Variants in IPP observed in about 807,000 individuals in gnomAD.
IPP encodes the protein actin-binding protein IPP.
IPP carries 41 observed loss-of-function variants against 64.1 expected under a neutral mutation model. That is an observed-to-expected ratio of 0.64 (90% CI 0.50 to 0.83). The LOEUF is 0.83. Among genes scored for constraint, IPP ranks in the 40% least tolerant of loss-of-function variants. IPP has a pLI of 0.00. For synonymous variants in IPP, 214 were observed against 235.2 expected (o/e 0.91, Z 0.83); for missense variants, 649 against 703.0 (o/e 0.92, Z 0.87).
chr1:45,708,756 AC>A (rs1429001210), intron 8 of IPP, among the ~76,000 whole-genome samples: 2 of 140,620 alleles, frequency 1.4e-5, no homozygotes, highest in African/African-American at 2.6e-5. Flanking sequence ...GAGAGTCTGA[AC>A]GCGGTGGCTC....
chr1:45,701,577 G>A (rs995764335), intron 8 of IPP, among the ~76,000 whole-genome samples: 17 of 152,076 alleles, frequency 1.1e-4, no homozygotes, highest in East Asian at 3.9e-4. Flanking sequence ...GTGAGCCACC[G>A]CACCCAGCGA....
intron 5 of IPP, 88 bp from the exon 6 acceptor site, chr1:45,719,428 T>A (rs1645702901): frequency 1.2e-6 from 1 of 825,216 alleles, no homozygotes; most frequent in Non-Finnish European, 1.8e-6. Context: ...GTATTCCCTA[T>A]CGTCAAAAAT....
intron 8 of IPP, among the ~76,000 whole-genome samples, chr1:45,710,240 A>AG (rs1352580095): frequency 3.2e-4 from 36 of 113,232 alleles, no homozygotes; most frequent in African/African-American, 3.6e-4. Context: ...AAAAAAAAAA[A>AG]AGAGAGAAGC....
Position 45,699,120 on chromosome 1 carries a change from A to G in IPP, c.*846T>C. The stretch of plus-strand genomic sequence containing the variant: ...ACTAAGAACCTCCTATTAATTCCTT[A>G]CTTGCATTCTCAGGATCAAGACAAA... On this transcript the variant is annotated 3_prime_UTR_variant, in exon 9 of 9. Coordinates refer to ENST00000396478, the MANE Select transcript of IPP (RefSeq NM_005897.3). The G allele has an allele frequency of 2.0e-6, 2 of 985,378 alleles. No individual in the cohort carries two copies. The highest frequency in any genetic ancestry group is 1.2e-6 in the Non-Finnish European group (1 of 829,890). The allele number at this position is 985,378 out of a possible 1,614,324, so 61.0% of individuals were successfully genotyped here.
intron 3 of IPP, among the ~76,000 whole-genome samples, chr1:45,733,104 AAG>A (rs1645931871): frequency 6.6e-6 from 1 of 152,176 alleles, no homozygotes; most frequent in Non-Finnish European, 1.5e-5. Flanking sequence ...AGAATAATGA[AAG>A]AGAATTCCTT....
intron 1 of IPP, among the ~76,000 whole-genome samples, chr1:45,749,550 T>C (rs1646190950): frequency 7.0e-6 from 1 of 142,444 alleles, no homozygotes; most frequent in African/African-American, 2.6e-5. Context: ...AGACGGAGTC[T>C]CGCTCTGTCG....
chr1:45,694,516 C>G, downstream of IPP: 1 of 1,515,986 alleles, frequency 6.6e-7, no homozygotes, highest in African/African-American at 1.4e-5. Flanking sequence ...CTGTGAGTAT[C>G]TGAAAAGAAA....
chr1:45,732,374 A>AAAAAC (rs1553192409), intron 3 of IPP, among the ~76,000 whole-genome samples: 1 of 151,012 alleles, frequency 6.6e-6, no homozygotes, highest in Non-Finnish European at 1.5e-5. Flanking sequence ...AAAAAAAAAA[A>AAAAAC]AAAAAACACA....
intron 4 of IPP, among the ~76,000 whole-genome samples, chr1:45,728,880 C>A (rs967118713): frequency 6.6e-6 from 1 of 152,020 alleles, no homozygotes; most frequent in Non-Finnish European, 1.5e-5. Context: ...GTAATCCCAG[C>A]ACTTTGGGAG....
chr1:45,698,580 A>G, downstream of IPP: 1 of 544,982 alleles, frequency 1.8e-6, no homozygotes, highest in Non-Finnish European at 2.3e-6. Flanking sequence ...GTAGCTTTGC[A>G]GTATGCTCTT....
chr1:45,701,267 T>G (rs1645446280), intron 8 of IPP, among the ~76,000 whole-genome samples: 1 of 151,962 alleles, frequency 6.6e-6, no homozygotes, highest in Admixed American at 6.6e-5. Context: ...ATAGCCAAAA[T>G]GACTAGTAGT....
intron 8 of IPP, among the ~76,000 whole-genome samples, chr1:45,709,033 C>CAAAA (rs71058700): frequency 1.6e-4 from 9 of 58,050 alleles, no homozygotes; most frequent in African/African-American, 3.9e-4. Flanking sequence ...GACTCCATCT[C>CAAAA]AAAAAAAAAA....
At chr1:45,725,423 G>C (rs201438079) in intron 5 of IPP, among the ~76,000 whole-genome samples, 34,428 of 136,938 alleles carry the variant, frequency 0.25, 4,284 homozygotes, top group South Asian at 0.32. Context: ...GGGAAGTGAG[G>C]AGCCCCTCTG....
chr1:45,699,534 T>C lies in IPP; in HGVS notation c.*432A>G. Reference sequence around the variant, plus strand: ...AAATAGGAGTTGTCTACACTTAAACTGGAGAATTCTACAGCATAAATGGCA... The same window carrying C: ...AAATAGGAGTTGTCTACACTTAAACCGGAGAATTCTACAGCATAAATGGCA... On this transcript the variant is annotated 3_prime_UTR_variant, in exon 9 of 9. Coordinates refer to ENST00000396478, the MANE Select transcript of IPP (RefSeq NM_005897.3). 4.0e-6 allele frequency: 4 copies of C among 989,318 alleles called. No individual in the cohort carries two copies. The highest frequency in any genetic ancestry group is 4.8e-6 in the Non-Finnish European group (4 of 832,096). The allele number at this position is 989,318 out of a possible 1,614,324, so 61.3% of individuals were successfully genotyped here.
chr1:45,716,199 C>T (rs1290733277), intron 7 of IPP, among the ~76,000 whole-genome samples: 2 of 152,036 alleles, frequency 1.3e-5, no homozygotes, highest in Non-Finnish European at 2.9e-5. Context: ...TCACAATGTA[C>T]TTTGTAGAAA....
At chr1:45,708,941 G>A (rs1344229125) in intron 8 of IPP, among the ~76,000 whole-genome samples, 1 of 149,572 alleles carries the variant, frequency 6.7e-6, no homozygotes, top group Non-Finnish European at 1.5e-5. Flanking sequence ...GGCTGAGGCA[G>A]GAGAACTGCT....
chr1:45,737,031 A>G (rs1429857950), intron 3 of IPP, among the ~76,000 whole-genome samples: 2 of 129,762 alleles, frequency 1.5e-5, no homozygotes, highest in Admixed American at 8.7e-5. Flanking sequence ...CGACAGAGCG[A>G]GACTCCATCT....
At chr1:45,732,056 A>G (rs1229674190) in intron 3 of IPP, among the ~76,000 whole-genome samples, 1 of 151,910 alleles carries the variant, frequency 6.6e-6, no homozygotes, top group Non-Finnish European at 1.5e-5. Flanking sequence ...ACATGATACA[A>G]TTGTTTAAGA....
At chr1:45,696,107 A>G (rs571350717), downstream of IPP, among the ~76,000 whole-genome samples, 1 of 152,382 alleles carries the variant, frequency 6.6e-6, no homozygotes, top group East Asian at 1.9e-4. Flanking sequence ...AATCTGAATT[A>G]AATGAATTAT....
Sources: gnomAD v4.1 joint callset for allele counts (sites outside exome capture counted in the v4.1 genomes callset) on GRCh38, gnomAD v4.1.1 for gene constraint, MANE v1.5 for transcripts, NCBI Gene and HGNC (gene_info 2026-07-23, HGNC 2026-07-21) for gene names.